CHSY3: variants seen among roughly 807,000 people sequenced by gnomAD.
CHSY3 encodes chondroitin sulfate synthase 3.
A neutral mutation model predicts 67.2 loss-of-function variants in CHSY3; 35 were observed. That is an observed-to-expected ratio of 0.52 (90% CI 0.40 to 0.69). The LOEUF (loss-of-function observed/expected upper bound fraction) is 0.69, where lower values mean the gene tolerates loss of function less well. Ranked by LOEUF, CHSY3 falls within the 30% of genes least tolerant of loss-of-function variation. CHSY3 has a pLI of 0.00. For synonymous variants in CHSY3, 474 were observed against 434.7 expected (o/e 1.09, Z -1.12); for missense variants, 1,069 against 1,138.5 (o/e 0.94, Z 0.88).
upstream of CHSY3, among the ~76,000 whole-genome samples, chr5:129,904,166 C>G (rs1276240285): frequency 6.0e-5 from 9 of 150,744 alleles, no homozygotes; most frequent in African/African-American, 2.0e-4. Context: ...GGAAATGGGA[C>G]GAAGAGCAAG....
intron 2 of CHSY3, among the ~76,000 whole-genome samples, chr5:130,081,367 G>T (rs1411380223): frequency 1.3e-5 from 2 of 150,022 alleles, no homozygotes; most frequent in African/African-American, 2.4e-5. Context: ...GGGGAGGGGA[G>T]GTCAGAAAGA....
At chr5:129,995,638 C>G (rs529906231) in intron 2 of CHSY3, among the ~76,000 whole-genome samples, 1 of 151,172 alleles carries the variant, frequency 6.6e-6, no homozygotes, top group Non-Finnish European at 1.5e-5. Flanking sequence ...TTCTTCCCTT[C>G]TCTCTTTCTC....
intron 2 of CHSY3, among the ~76,000 whole-genome samples, chr5:129,964,782 G>A (rs1024337654): frequency 6.6e-6 from 1 of 151,796 alleles, no homozygotes; most frequent in Non-Finnish European, 1.5e-5. Flanking sequence ...AGTATAAAGA[G>A]TTTTTATTCC....
At chr5:130,164,348 G>A (rs1769660254) in intron 2 of CHSY3, among the ~76,000 whole-genome samples, 2 of 152,192 alleles carry the variant, frequency 1.3e-5, no homozygotes, top group East Asian at 1.9e-4. Flanking sequence ...ACTAGGACGC[G>A]GGAAGAGGAA....
At chr5:129,958,724 T>TG (rs1440811157) in intron 2 of CHSY3, among the ~76,000 whole-genome samples, 3 of 152,008 alleles carry the variant, frequency 2.0e-5, no homozygotes, top group Non-Finnish European at 4.4e-5. Flanking sequence ...TTTTTCCAGG[T>TG]GGGGTCTCAC....
intron 2 of CHSY3, chr5:130,001,401 GT>G: frequency 1.1e-6 from 1 of 891,130 alleles, no homozygotes; most frequent in Non-Finnish European, 1.3e-6. Flanking sequence ...TTCCTCCAGA[GT>G]TAGTAGGCTG....
At chr5:130,166,994 G>A (rs186504933) in intron 2 of CHSY3, among the ~76,000 whole-genome samples, 58 of 152,182 alleles carry the variant, frequency 3.8e-4, no homozygotes, top group African/African-American at 1.4e-3. Flanking sequence ...GAGGTAAACA[G>A]GCCAGGAAGA....
intron 2 of CHSY3, among the ~76,000 whole-genome samples, chr5:130,013,420 A>C (rs1400018724): frequency 6.6e-6 from 1 of 152,216 alleles, no homozygotes; most frequent in Non-Finnish European, 1.5e-5. Context: ...ATTCTCCATG[A>C]GGGCTCTGCC....
intron 2 of CHSY3, among the ~76,000 whole-genome samples, chr5:130,145,308 C>G (rs1426012386): frequency 6.6e-6 from 1 of 152,138 alleles, no homozygotes; most frequent in Non-Finnish European, 1.5e-5. Flanking sequence ...CTATGTCTAA[C>G]TGATTTTTGA....
In CHSY3 at chr5:129,904,978, G is replaced by T; in HGVS notation, c.149G>T (p.Arg50Leu). ...RGSSLCSYYG[R>L]SAAGPRAGAQ... ...TCCAGCCTCTGCTCCTACTACGGTC[G>T]CTCTGCTGCTGGCCCCCGCGCCGGC... The change falls in exon 1 of 3, where the codon CGC becomes CTC. Residue 50 changes from arginine (R) to leucine (L), a missense_variant. Arg to Leu is a moderately radical substitution (Grantham distance 102). Around this residue, in one of 5 missense-constraint regions of CHSY3, gnomAD observed 309 missense variants for 262.5 expected, o/e 1.18. Coordinates refer to ENST00000305031, the MANE Select transcript of CHSY3 (RefSeq NM_175856.5). 1 of 1,567,304 alleles carries T rather than the reference G, an allele frequency of 6.4e-7. No homozygotes were observed. Among genetic ancestry groups the T allele is most frequent in the Non-Finnish European group, 8.6e-7 (1 of 1,162,450 alleles).
intron 2 of CHSY3, among the ~76,000 whole-genome samples, chr5:129,974,578 G>T (rs1412884251): frequency 6.6e-6 from 1 of 152,074 alleles, no homozygotes; most frequent in South Asian, 2.1e-4. Context: ...GTTCCTCAAG[G>T]CTGTCAAGTG....
At chr5:130,094,096 C>T (rs1766969676) in intron 2 of CHSY3, among the ~76,000 whole-genome samples, 2 of 152,144 alleles carry the variant, frequency 1.3e-5, no homozygotes, top group Non-Finnish European at 2.9e-5. Flanking sequence ...TAGACAGTGG[C>T]AGCCCTTCTA....
At chr5:130,081,666 A>G (rs1447825050) in intron 2 of CHSY3, among the ~76,000 whole-genome samples, 2 of 152,112 alleles carry the variant, frequency 1.3e-5, no homozygotes, top group Admixed American at 1.3e-4. Flanking sequence ...AATAAGTCTC[A>G]TGAGATCTGA....
At chr5:129,956,614 C>T (rs371905293) in intron 2 of CHSY3, among the ~76,000 whole-genome samples, 34 of 151,844 alleles carry the variant, frequency 2.2e-4, no homozygotes, top group African/African-American at 6.3e-4. Context: ...GCATATTCAT[C>T]GTGAAATCTT....
At chr5:130,162,057 A>AAAAAAAAAAAAAAAAAAAAG (rs1554087189) in intron 2 of CHSY3, among the ~76,000 whole-genome samples, 26 of 122,980 alleles carry the variant, frequency 2.1e-4, no homozygotes, top group Non-Finnish European at 3.6e-4. Flanking sequence ...AAAAAAAAAA[A>AAAAAAAAAAAAAAAAAAAAG]AAAGAAAGAA....
intron 2 of CHSY3, among the ~76,000 whole-genome samples, chr5:129,915,502 A>T (rs536584708): frequency 1.7e-4 from 26 of 152,350 alleles, no homozygotes; most frequent in Middle Eastern, 3.4e-3. Context: ...ACAATTTTTG[A>T]AGTAACAGAT....
At chr5:129,946,182 T>C (rs1761850307) in intron 2 of CHSY3, among the ~76,000 whole-genome samples, 2 of 152,180 alleles carry the variant, frequency 1.3e-5, no homozygotes, top group African/African-American at 4.8e-5. Context: ...AATAGTGCAG[T>C]TGAAGAATTT....
chr5:129,989,048 C>A (rs937241021), intron 2 of CHSY3, among the ~76,000 whole-genome samples: 2 of 152,130 alleles, frequency 1.3e-5, no homozygotes, highest in Admixed American at 1.3e-4. Context: ...GTAAAGTATT[C>A]TTTGCTTAGT....
At chr5:130,013,277 T>C (rs1246728439) in intron 2 of CHSY3, among the ~76,000 whole-genome samples, 1 of 152,130 alleles carries the variant, frequency 6.6e-6, no homozygotes, top group Non-Finnish European at 1.5e-5. Flanking sequence ...GTGTAAGCTG[T>C]TGGTGGATCT....
Sources: allele counts gnomAD v4.1 joint callset (sites outside exome capture counted in the v4.1 genomes callset), GRCh38; gene constraint gnomAD v4.1.1; regional missense constraint gnomAD v4.1.1; transcripts MANE v1.5; gene names NCBI Gene and HGNC (gene_info 2026-07-23, HGNC 2026-07-21).